The following TMC7 variants were observed in gnomAD, a reference collection of about 807,000 sequenced individuals.
TMC7 encodes the protein transmembrane channel like 7.
In TMC7, 54 loss-of-function variants were observed where a neutral mutation model predicts 82.9. The observed-to-expected ratio is 0.65, with a 90% confidence interval of 0.52 to 0.82. TMC7 has a LOEUF of 0.82. Among genes scored for constraint, TMC7 ranks in the 40% least tolerant of loss-of-function variants. The probability of loss-of-function intolerance (pLI) is 0.00; values close to 1 mark genes in which losing one functional copy is unlikely to be tolerated. For missense variants in TMC7, 820 were observed against 901.2 expected, an observed-to-expected ratio of 0.91 and a Z score of 1.15; for synonymous variants, 350 against 337.9, an observed-to-expected ratio of 1.04 and a Z score of -0.39.
Position 18,997,671 on chromosome 16 carries a change from G to A in TMC7, c.68-11501G>A, listed in dbSNP as rs111731239. ...GCCACCGCACCCAGCCACCGCACCC[G>A]GCCTCAGGCACTGTTTTGAGCCAAG... On this transcript the variant is annotated intron_variant, in intron 1 of 15. Coordinates refer to ENST00000304381, the MANE Select transcript of TMC7 (RefSeq NM_024847.4). Among the ~76,000 whole-genome samples, 786 of 151,364 alleles carry A rather than the reference G, an allele frequency of 5.2e-3. 12 individuals are homozygous for A. The highest frequency in any genetic ancestry group is 0.018 in the African/African-American group (734 of 41,298).
intron 9 of TMC7, 92 bp downstream of exon 9, chr16:19,040,538 T>G: frequency 8.4e-7 from 1 of 1,190,346 alleles, no homozygotes; most frequent in South Asian, 1.4e-5. Context: ...TCAATTGTAG[T>G]GCATTTTCCT....
At chr16:19,011,364 C>A (rs911714206) in intron 2 of TMC7, among the ~76,000 whole-genome samples, 3 of 151,996 alleles carry the variant, frequency 2.0e-5, no homozygotes, top group African/African-American at 7.3e-5. Flanking sequence ...CCCACAGGGT[C>A]AGTAGCATAA....
In TMC7 at chr16:18,984,033, C is replaced by T. The variant is rs779048159; in HGVS notation, c.-31C>T. On this transcript the variant is annotated 5_prime_UTR_variant, in exon 1 of 16. Coordinates refer to ENST00000304381, the MANE Select transcript of TMC7 (RefSeq NM_024847.4). Reference sequence around the variant, plus strand: ...GGCGGCGGCGGCTGGAGAGGGTCCTCGGCAGCCTCTGAGGAGCGCGGGGCG... The same window carrying T: ...GGCGGCGGCGGCTGGAGAGGGTCCTTGGCAGCCTCTGAGGAGCGCGGGGCG... The T allele has an allele frequency of 2.1e-6, 3 of 1,443,534 alleles. No individual in the cohort carries two copies. The highest frequency in any genetic ancestry group is 2.8e-5 in the South Asian group (2 of 72,340). 89.4% of individuals were successfully genotyped at this position (1,443,534 alleles called of 1,614,324 possible). A position where few individuals can be genotyped will look rare whatever the true frequency, so the allele number is the denominator to read the frequency against.
chr16:18,985,160 T>C (rs1358579480), intron 1 of TMC7, among the ~76,000 whole-genome samples: 3 of 151,728 alleles, frequency 2.0e-5, no homozygotes, highest in Middle Eastern at 6.8e-3. Context: ...CTTGGGAGGC[T>C]GAGGCAGAGA....
At chr16:19,053,492 C>T (rs1404266604) in intron 13 of TMC7, among the ~76,000 whole-genome samples, 2 of 152,076 alleles carry the variant, frequency 1.3e-5, no homozygotes, top group African/African-American at 4.8e-5. Context: ...CAACCTCTGC[C>T]TCCCAGGTTC....
Position 19,063,239 on chromosome 16 carries a change from T to C in TMC7, c.*1396T>C, listed in dbSNP as rs1596808849. The C allele has an allele frequency of 1.3e-5, 2 of 152,086 alleles. No individual in the cohort carries two copies. The highest frequency in any genetic ancestry group is 4.8e-5 in the African/African-American group (2 of 41,432). The allele number at this position is 152,086 out of a possible 1,614,324, so 9.4% of individuals were successfully genotyped here. ...TCATGGAATTTTGAGTAACCAAAGA[T>C]TCATTCCAGTCTCACTTAAAAAAAT... On this transcript the variant is annotated 3_prime_UTR_variant, in exon 16 of 16. Transcript: ENST00000304381.
chr16:19,030,014 C>A (rs1173674374), intron 5 of TMC7, among the ~76,000 whole-genome samples: 1 of 152,160 alleles, frequency 6.6e-6, no homozygotes, highest in Admixed American at 6.5e-5. Flanking sequence ...CCTTGCCCGG[C>A]CCACCTGTGC....
At chr16:19,026,645 G>A (rs1272217070) in intron 5 of TMC7, among the ~76,000 whole-genome samples, 1 of 152,142 alleles carries the variant, frequency 6.6e-6, no homozygotes, top group Non-Finnish European at 1.5e-5. Context: ...AGAGTTAGCT[G>A]CGCTTAATTA....
chr16:19,036,735 A>C (rs946387043), intron 7 of TMC7, among the ~76,000 whole-genome samples: 5 of 152,054 alleles, frequency 3.3e-5, no homozygotes, highest in Non-Finnish European at 5.9e-5. Context: ...AGTACATGAG[A>C]GTTTCCAAAT....
At chr16:19,058,157 C>T (rs991824648) in intron 14 of TMC7, among the ~76,000 whole-genome samples, 15 of 152,084 alleles carry the variant, frequency 9.9e-5, no homozygotes, top group African/African-American at 2.9e-4. Flanking sequence ...TTTGGGAGGC[C>T]GAGGCGGGTG....
At chr16:19,021,843 A>G (rs377757005) in intron 4 of TMC7, 47 bp downstream of exon 4, 9 of 1,587,100 alleles carry the variant, frequency 5.7e-6, no homozygotes, top group East Asian at 2.2e-5. Context: ...GTTTTTCACC[A>G]TGTACCTTGC....
At chr16:19,048,651 C>A (rs1475985790) in intron 12 of TMC7, among the ~76,000 whole-genome samples, 1 of 152,078 alleles carries the variant, frequency 6.6e-6, no homozygotes, top group Non-Finnish European at 1.5e-5. Context: ...GAACTCCCGA[C>A]CTCAGGTGAT....
intron 1 of TMC7, among the ~76,000 whole-genome samples, chr16:18,988,040 C>A (rs1188812260): frequency 1.3e-5 from 2 of 152,100 alleles, no homozygotes; most frequent in Non-Finnish European, 2.9e-5. Context: ...GACAGGGTTT[C>A]CTTCTGCAGT....
At chr16:19,020,631 G>C (rs895918537) in intron 3 of TMC7, among the ~76,000 whole-genome samples, 18 of 151,762 alleles carry the variant, frequency 1.2e-4, no homozygotes, top group African/African-American at 4.4e-4. Flanking sequence ...ACTTTGGGAG[G>C]CTGAGGCAGG....
chr16:19,037,772 T>C, intron 7 of TMC7, 102 bp from the exon 8 acceptor site: 1 of 1,303,974 alleles, frequency 7.7e-7, no homozygotes, highest in Non-Finnish European at 1.1e-6. Context: ...CATGCCTGGC[T>C]AGAACTCTTA....
At chr16:19,043,791 C>T (rs570854944) in intron 9 of TMC7, among the ~76,000 whole-genome samples, 70 of 152,140 alleles carry the variant, frequency 4.6e-4, no homozygotes, top group Admixed American at 9.8e-4. Flanking sequence ...AGGCTGGTTT[C>T]GAACTTCTGA....
intron 11 of TMC7, among the ~76,000 whole-genome samples, chr16:19,045,685 C>T (rs183588553): frequency 1.5e-3 from 228 of 151,326 alleles, no homozygotes; most frequent in African/African-American, 5.4e-3. Context: ...CAACCTCCGC[C>T]TCCCAGGTTC....
chr16:19,038,153 C>T (rs1960845721), intron 8 of TMC7, 106 bp downstream of exon 8: 1 of 1,156,722 alleles, frequency 8.6e-7, no homozygotes, highest in Non-Finnish European at 1.2e-6. Flanking sequence ...ACAAGTTTGG[C>T]TGATATGATC....
chr16:18,987,597 C>T (rs531090752), intron 1 of TMC7, among the ~76,000 whole-genome samples: 1,965 of 152,222 alleles, frequency 0.013, 33 homozygotes, highest in African/African-American at 0.043. Flanking sequence ...TGAGCCACCA[C>T]GCCAGGCTGG....
Sources: gnomAD v4.1 joint callset for allele counts (sites outside exome capture counted in the v4.1 genomes callset) on GRCh38, gnomAD v4.1.1 for gene constraint, MANE v1.5 for transcripts, NCBI Gene and HGNC (gene_info 2026-07-23, HGNC 2026-07-21) for gene names.